The following LIN54 variants were observed in gnomAD, a reference collection of about 807,000 sequenced individuals.
LIN54 encodes the protein lin-54 DREAM MuvB core complex component.
In LIN54, 9 loss-of-function variants were observed where a neutral mutation model predicts 78.7. That is an observed-to-expected ratio of 0.11 (90% CI 0.07 to 0.20). The LOEUF (loss-of-function observed/expected upper bound fraction) is 0.20, where lower values mean the gene tolerates loss of function less well. LIN54 is among the 10% of genes least tolerant of loss of function. The probability of loss-of-function intolerance (pLI) is 1.00; values close to 1 mark genes in which losing one functional copy is unlikely to be tolerated. For synonymous variants in LIN54, 269 were observed against 318.4 expected, an observed-to-expected ratio of 0.84 and a Z score of 1.65; for missense variants, 573 against 889.9, an observed-to-expected ratio of 0.64 and a Z score of 4.53.
intron 5 of LIN54, among the ~76,000 whole-genome samples, chr4:82,941,043 C>A (rs891485400): frequency 2.6e-5 from 4 of 151,822 alleles, no homozygotes; most frequent in Non-Finnish European, 5.9e-5. Flanking sequence ...AAGCACTAGA[C>A]CTCTGCTGTC....
chr4:83,007,447 C>A (rs1406658030), intron 1 of LIN54, among the ~76,000 whole-genome samples: 6 of 152,050 alleles, frequency 3.9e-5, no homozygotes, highest in Non-Finnish European at 1.5e-5. Context: ...TCATGTAATC[C>A]AAGTCAATAA....
chr4:82,957,834 G>A (rs1035522143), intron 4 of LIN54, among the ~76,000 whole-genome samples: 1 of 152,116 alleles, frequency 6.6e-6, no homozygotes, highest in Non-Finnish European at 1.5e-5. Context: ...TAGGGTCTGT[G>A]TATCTATTTT....
chr4:82,973,792 G>GA (rs1725883054), intron 3 of LIN54, among the ~76,000 whole-genome samples: 1 of 152,168 alleles, frequency 6.6e-6, no homozygotes, highest in Non-Finnish European at 1.5e-5. Flanking sequence ...AGATCATAGA[G>GA]AAAATCAACA....
In LIN54 at chr4:83,010,805, C is replaced by T; in HGVS notation, c.-354G>A. 5 of 1,234,908 alleles carry T rather than the reference C, an allele frequency of 4.0e-6. No individual in the cohort carries two copies. In the South Asian group the frequency reaches 2.0e-4, roughly 51 times the overall value. The allele number at this position is 1,234,908 out of a possible 1,614,324, so 76.5% of individuals were successfully genotyped here. On this transcript the variant is annotated 5_prime_UTR_variant, in exon 1 of 13. Coordinates refer to ENST00000340417, the MANE Select transcript of LIN54 (RefSeq NM_194282.4). ...CGACAGCCGGAGCCCGGGCCGCCGC[C>T]GCCGCCGCCACCACCAGTAACCTCC... is the stretch of plus-strand genomic sequence containing the variant.
At chr4:83,002,610 C>G (rs966381547) in intron 1 of LIN54, among the ~76,000 whole-genome samples, 1 of 152,184 alleles carries the variant, frequency 6.6e-6, no homozygotes, top group East Asian at 1.9e-4. Context: ...CCACTCCAGA[C>G]AGCAAGACCT....
chr4:83,000,028 G>A (rs1339741344), intron 1 of LIN54, among the ~76,000 whole-genome samples: 2 of 151,942 alleles, frequency 1.3e-5, no homozygotes, highest in African/African-American at 4.8e-5. Context: ...GAATAGCTGG[G>A]ACCACAGGCG....
chr4:82,968,176 G>A (rs1256975578), intron 4 of LIN54, among the ~76,000 whole-genome samples: 4 of 151,860 alleles, frequency 2.6e-5, no homozygotes, highest in African/African-American at 9.7e-5. Context: ...CCGAGTAGCT[G>A]GGATTACAGG....
chr4:82,936,826 T>G (rs190793108), intron 9 of LIN54, among the ~76,000 whole-genome samples: 1 of 152,346 alleles, frequency 6.6e-6, no homozygotes, highest in East Asian at 1.9e-4. Flanking sequence ...GCTTTTCATT[T>G]AACTATTTCA....
intron 1 of LIN54, among the ~76,000 whole-genome samples, chr4:83,001,505 A>G (rs1480455036): frequency 6.6e-6 from 1 of 151,898 alleles, no homozygotes; most frequent in Non-Finnish European, 1.5e-5. Context: ...AGCTATGATC[A>G]CACCACCGCA....
At chr4:83,005,173 G>A (rs181077100) in intron 1 of LIN54, among the ~76,000 whole-genome samples, 1 of 152,102 alleles carries the variant, frequency 6.6e-6, no homozygotes, top group Non-Finnish European at 1.5e-5. Context: ...TAGGATTACA[G>A]GCATGAGCCA....
intron 2 of LIN54, among the ~76,000 whole-genome samples, chr4:82,982,898 C>T (rs1346345388): frequency 6.6e-6 from 1 of 152,074 alleles, no homozygotes; most frequent in Non-Finnish European, 1.5e-5. Flanking sequence ...CAAAACCTTC[C>T]TACTTCCTTC....
chr4:82,961,326 TAGG>T (rs1207734784), intron 4 of LIN54, among the ~76,000 whole-genome samples: 1 of 152,006 alleles, frequency 6.6e-6, no homozygotes, highest in Non-Finnish European at 1.5e-5. Flanking sequence ...GACCTAGAAG[TAGG>T]AGGAGTTCAA....
At chr4:82,931,544 CA>C (rs1721955163) in intron 11 of LIN54, among the ~76,000 whole-genome samples, 2 of 152,174 alleles carry the variant, frequency 1.3e-5, no homozygotes, top group African/African-American at 4.8e-5. Context: ...CATATGTATA[CA>C]ATTTCACATT....
intron 4 of LIN54, among the ~76,000 whole-genome samples, chr4:82,955,074 G>A (rs1289769738): frequency 1.3e-5 from 2 of 152,110 alleles, no homozygotes; most frequent in Admixed American, 6.6e-5. Flanking sequence ...AAAATACACT[G>A]TTAAAAGAAT....
chr4:83,005,951 TA>T (rs893326044), intron 1 of LIN54, among the ~76,000 whole-genome samples: 2 of 152,048 alleles, frequency 1.3e-5, no homozygotes, highest in Admixed American at 1.3e-4. Context: ...TACGTAGCCA[TA>T]AAAAAAGAAA....
At chr4:82,957,121 C>T (rs557669904) in intron 4 of LIN54, among the ~76,000 whole-genome samples, 1 of 152,314 alleles carries the variant, frequency 6.6e-6, no homozygotes, top group East Asian at 1.9e-4. Flanking sequence ...ATTACCACCA[C>T]AATTCAATTA....
intron 3 of LIN54, among the ~76,000 whole-genome samples, chr4:82,971,942 G>A (rs1182637569): frequency 6.6e-6 from 1 of 152,194 alleles, no homozygotes. Flanking sequence ...GCATGACAGT[G>A]AGGAGAAAGG....
intron 4 of LIN54, among the ~76,000 whole-genome samples, chr4:82,961,265 A>G (rs546945292): frequency 2.5e-4 from 38 of 152,360 alleles, no homozygotes; most frequent in African/African-American, 8.4e-4. Flanking sequence ...CTACAGCCCA[A>G]TGTTGAATCT....
At chr4:83,005,429 G>A (rs988683666) in intron 1 of LIN54, among the ~76,000 whole-genome samples, 3 of 152,066 alleles carry the variant, frequency 2.0e-5, no homozygotes, top group Admixed American at 2.0e-4. Context: ...CTTGAGGCCA[G>A]GAGTTCCGGA....
Sources: allele counts gnomAD v4.1 joint callset (sites outside exome capture counted in the v4.1 genomes callset), GRCh38; gene constraint gnomAD v4.1.1; transcripts MANE v1.5; gene names NCBI Gene and HGNC (gene_info 2026-07-23, HGNC 2026-07-21).